ZNF215: variants seen among roughly 807,000 people sequenced by gnomAD.
The protein encoded by ZNF215 is BWSCR2-associated zinc finger protein 2.
In ZNF215, 24 loss-of-function variants were observed where a neutral mutation model predicts 27.2. That is an observed-to-expected ratio of 0.88 (90% CI 0.64 to 1.24). The LOEUF (loss-of-function observed/expected upper bound fraction) is 1.24, where lower values mean the gene tolerates loss of function less well. ZNF215 is among the 50% of genes most tolerant of loss of function. ZNF215 has a pLI of 0.00. For missense variants in ZNF215, 675 were observed against 605.7 expected (o/e 1.11, Z -1.20); for synonymous variants, 210 against 204.0 (o/e 1.03, Z -0.25).
At chr11:6,969,588 A>T (rs1217654365) in intron 5 of ZNF215, among the ~76,000 whole-genome samples, 1 of 3,494 alleles carries the variant, frequency 2.9e-4, no homozygotes, top group African/African-American at 4.8e-4. Flanking sequence ...AAAATAGCTA[A>T]AAAAAAAATG....
intron 5 of ZNF215, among the ~76,000 whole-genome samples, chr11:6,967,798 C>G (rs898969868): frequency 6.6e-6 from 1 of 152,090 alleles, no homozygotes; most frequent in Non-Finnish European, 1.5e-5. Flanking sequence ...TTAATTAGAT[C>G]CCAATTTGTC....
chr11:6,935,141 C>T (rs971474918), intron 3 of ZNF215, among the ~76,000 whole-genome samples: 42 of 152,170 alleles, frequency 2.8e-4, no homozygotes, highest in African/African-American at 8.7e-4. Context: ...TAATAAATAA[C>T]AGTTGGGATG....
intron 3 of ZNF215, among the ~76,000 whole-genome samples, chr11:6,934,019 T>A (rs993794919): frequency 1.3e-5 from 2 of 152,152 alleles, no homozygotes; most frequent in African/African-American, 4.8e-5. Context: ...GTGGACCTTA[T>A]AAGACATGAG....
rs1051594696 is a variant in ZNF215 at position 6,957,269 on chromosome 11, G to A, written c.*738G>A. 4 of 868,514 alleles carry A rather than the reference G, an allele frequency of 4.6e-6. No homozygotes were observed. The highest frequency in any genetic ancestry group is 4.1e-6 in the Non-Finnish European group (3 of 723,434). 53.8% of individuals were successfully genotyped at this position (868,514 alleles called of 1,614,324 possible). ...ATATCGATTCCCAGCCAGGGACACTGTGTGGAGTTCGCACACTCTCCCTAT... is the reference window on the plus strand; with the variant it reads ...ATATCGATTCCCAGCCAGGGACACTATGTGGAGTTCGCACACTCTCCCTAT... On this transcript the variant is annotated 3_prime_UTR_variant, in exon 7 of 7. Transcript: ENST00000278319.
At chr11:6,975,945 T>C (rs1356433748) in intron 5 of ZNF215, among the ~76,000 whole-genome samples, 1 of 152,136 alleles carries the variant, frequency 6.6e-6, no homozygotes, top group Non-Finnish European at 1.5e-5. Flanking sequence ...ATAGTGGCTG[T>C]ACTAATTTAC....
chr11:6,976,564 G>A (rs1850838520), intron 5 of ZNF215, among the ~76,000 whole-genome samples: 1 of 152,042 alleles, frequency 6.6e-6, no homozygotes, highest in Non-Finnish European at 1.5e-5. Context: ...CTTGTCCTCA[G>A]ACAAAGGAAA....
At position 6,956,427 on chromosome 11, in the gene ZNF215, C is replaced by G. The variant is rs765039744; in HGVS notation, c.1450C>G (p.His484Asp). 1 of 1,614,154 alleles carries G rather than the reference C, an allele frequency of 6.2e-7. No homozygotes were observed. Among genetic ancestry groups the G allele is most frequent in the East Asian group, 2.2e-5 (1 of 44,874 alleles). ...SSSLIRHQMIHTGEKPFKCKE... is the reference protein window; with the variant it reads ...SSSLIRHQMIDTGEKPFKCKE... ...CTCTCTTATTCGACACCAAATGATT[C>G]ACACGGGAGAGAAACCATTCAAATG... The change falls in exon 7 of 7, where the codon CAC (histidine) becomes GAC (aspartate). Residue 484 changes from histidine to aspartate, a missense_variant. Transcript: ENST00000278319.
chr11:6,959,544 C>T (rs938923384), downstream of ZNF215, among the ~76,000 whole-genome samples: 3 of 152,066 alleles, frequency 2.0e-5, no homozygotes, highest in African/African-American at 7.2e-5. Context: ...TAATAAAATT[C>T]GTTGAAAAAC....
At chr11:6,953,508 T>C (rs2638099) in intron 6 of ZNF215, among the ~76,000 whole-genome samples, 31,743 of 152,192 alleles carry the variant, frequency 0.21, 3,427 homozygotes, top group Middle Eastern at 0.23. Context: ...CTGATACCCT[T>C]TCTTCCAGTT....
At position 6,957,670 on chromosome 11, in the gene ZNF215, G is replaced by C; in HGVS notation, c.*1139G>C. The C allele has an allele frequency of 1.2e-6, 1 of 866,266 alleles. No homozygotes were observed. The highest frequency in any genetic ancestry group is 1.4e-6 in the Non-Finnish European group (1 of 721,490). 53.7% of individuals were successfully genotyped at this position (866,266 alleles called of 1,614,324 possible). On this transcript the variant is annotated 3_prime_UTR_variant, in exon 7 of 7. Transcript: ENST00000278319. ...TATCCATTAGTCTATGGTAAAATTGGTTTTGTTATACATCATTTCACTTAA... is the reference window on the plus strand; with the variant it reads ...TATCCATTAGTCTATGGTAAAATTGCTTTTGTTATACATCATTTCACTTAA...
At chr11:6,928,829 A>AACCAGAG (rs1284989776) in intron 2 of ZNF215, among the ~76,000 whole-genome samples, 6 of 139,310 alleles carry the variant, frequency 4.3e-5, no homozygotes, top group African/African-American at 1.3e-4. Context: ...CACCAGTCAT[A>AACCAGAG]TTTAAGAGCT....
Position 6,934,815 on chromosome 11 carries a change from A to G in ZNF215, c.400+2143A>G, listed in dbSNP as rs540637951. Among the ~76,000 whole-genome samples, 3 of 152,296 alleles carry G rather than the reference A, an allele frequency of 2.0e-5. No homozygotes were observed. In the East Asian group the frequency reaches 5.8e-4, roughly 29 times the overall value. On this transcript the variant is annotated intron_variant, in intron 3 of 6. Coordinates refer to ENST00000278319, the MANE Select transcript of ZNF215 (RefSeq NM_013250.4). ...TTGCTATGTATCCAAGGACTAAGACATGGATATCTTTGTGGGCTGATATTC... is the reference window on the plus strand; with the variant it reads ...TTGCTATGTATCCAAGGACTAAGACGTGGATATCTTTGTGGGCTGATATTC...
At chr11:6,974,166 T>G (rs372435027) in intron 5 of ZNF215, among the ~76,000 whole-genome samples, 31,706 of 151,774 alleles carry the variant, frequency 0.21, 3,521 homozygotes, top group Non-Finnish European at 0.25. Flanking sequence ...TTTCCCCATT[T>G]CTTGTTTTTG....
chr11:6,971,967 A>T (rs763929143), intron 5 of ZNF215, among the ~76,000 whole-genome samples: 1 of 152,144 alleles, frequency 6.6e-6, no homozygotes, highest in African/African-American at 2.4e-5. Flanking sequence ...TTTAAACTAC[A>T]TATTGGCACT....
intron 5 of ZNF215, among the ~76,000 whole-genome samples, chr11:6,968,876 A>G (rs748073802): frequency 6.6e-6 from 1 of 151,964 alleles, no homozygotes. Flanking sequence ...AAAAAAAAAA[A>G]TTTAAATTAC....
Position 6,957,059 on chromosome 11 carries a change from C to T in ZNF215, c.*528C>T, listed in dbSNP as rs1850388106. ...GCCATTTACTCCACTCCTGACAATA[C>T]CCTTTGTTGTCTTGCTGTTGAATGG... On this transcript the variant is annotated 3_prime_UTR_variant, in exon 7 of 7. Coordinates refer to ENST00000278319, the MANE Select transcript of ZNF215 (RefSeq NM_013250.4). 2.0e-6 allele frequency: 2 copies of T among 985,874 alleles called. No homozygotes were observed. Among genetic ancestry groups the T allele is most frequent in the Non-Finnish European group, 2.4e-6 (2 of 830,262 alleles). The allele number at this position is 985,874 out of a possible 1,614,324, so 61.1% of individuals were successfully genotyped here. A position where few individuals can be genotyped will look rare whatever the true frequency, so the allele number is the denominator to read the frequency against.
At chr11:6,947,748 T>C (rs1367932259) in intron 6 of ZNF215, among the ~76,000 whole-genome samples, 1 of 152,208 alleles carries the variant, frequency 6.6e-6, no homozygotes, top group African/African-American at 2.4e-5. Flanking sequence ...AATCATTGTA[T>C]TCTCAAATTT....
chr11:6,943,266 C>T (rs371576502), intron 5 of ZNF215, 51 bp downstream of exon 5: 24 of 1,567,340 alleles, frequency 1.5e-5, no homozygotes, highest in Admixed American at 9.5e-5. Flanking sequence ...CTCTTCCTAC[C>T]GTTAAAAGCT....
chr11:6,947,677 A>G (rs577056281), intron 6 of ZNF215, among the ~76,000 whole-genome samples: 1 of 152,212 alleles, frequency 6.6e-6, no homozygotes, highest in Non-Finnish European at 1.5e-5. Context: ...CTACTAGAAC[A>G]CTGTTTTTGG....
Sources: gnomAD v4.1 joint callset for allele counts (sites outside exome capture counted in the v4.1 genomes callset) on GRCh38, gnomAD v4.1.1 for gene constraint, MANE v1.5 for transcripts, NCBI Gene and HGNC (gene_info 2026-07-23, HGNC 2026-07-21) for gene names.